ADGRB3: variants seen among roughly 807,000 people sequenced by gnomAD.
The protein encoded by ADGRB3 is adhesion G protein-coupled receptor B3.
A neutral mutation model predicts 193.4 loss-of-function variants in ADGRB3; 37 were observed. That is an observed-to-expected ratio of 0.19 (90% confidence interval 0.15 to 0.25). The LOEUF is 0.25. ADGRB3 is among the 10% of genes least tolerant of loss of function. The pLI, the probability that ADGRB3 is intolerant of heterozygous loss-of-function variation, is 1.00. For synonymous variants in ADGRB3, 690 were observed against 644.2 expected (o/e 1.07, Z -1.08); for missense variants, 1,637 against 1,852.9 (o/e 0.88, Z 2.14).
At chr6:68,915,765 G>T (rs1350145794) in intron 3 of ADGRB3, among the ~76,000 whole-genome samples, 3 of 150,546 alleles carry the variant, frequency 2.0e-5, no homozygotes, top group Non-Finnish European at 4.4e-5. Flanking sequence ...TTGAGTGGGA[G>T]GGGAAAAAAA....
intron 3 of ADGRB3, among the ~76,000 whole-genome samples, chr6:68,788,481 A>G (rs2127365087): frequency 6.6e-6 from 1 of 152,220 alleles, no homozygotes. Context: ...GAGTTTCTTA[A>G]TCCTGAGTTC....
intron 21 of ADGRB3, among the ~76,000 whole-genome samples, chr6:69,326,031 C>T (rs1276811730): frequency 1.3e-5 from 2 of 152,082 alleles, no homozygotes; most frequent in South Asian, 2.1e-4. Flanking sequence ...TACCTGAGCA[C>T]GGGAGTTCGA....
intron 20 of ADGRB3, among the ~76,000 whole-genome samples, chr6:69,293,570 C>T (rs892632859): frequency 6.6e-6 from 1 of 152,174 alleles, no homozygotes; most frequent in Non-Finnish European, 1.5e-5. Flanking sequence ...TGGCCCATAC[C>T]TATTCACTTT....
At chr6:69,053,541 G>A (rs2150304064) in intron 15 of ADGRB3, among the ~76,000 whole-genome samples, 1 of 152,320 alleles carries the variant, frequency 6.6e-6, no homozygotes. Flanking sequence ...CACTGGGGCT[G>A]GCCTGGTGGC....
intron 17 of ADGRB3, among the ~76,000 whole-genome samples, chr6:69,225,930 G>T (rs1858396): frequency 0.14 from 21,853 of 151,968 alleles, 1,624 homozygotes; most frequent in Middle Eastern, 0.16. Flanking sequence ...TATTTTAACC[G>T]TTAATTATTA....
chr6:69,036,103 G>A (rs1204397714), intron 13 of ADGRB3, among the ~76,000 whole-genome samples: 1 of 152,140 alleles, frequency 6.6e-6, no homozygotes, highest in East Asian at 1.9e-4. Flanking sequence ...ACTGTGTGAA[G>A]TATGTCTTTC....
intron 17 of ADGRB3, among the ~76,000 whole-genome samples, chr6:69,101,663 A>C (rs1238516813): frequency 6.6e-6 from 1 of 151,104 alleles, no homozygotes; most frequent in African/African-American, 2.4e-5. Flanking sequence ...ATTTTATGAT[A>C]TGTCCTATAT....
intron 3 of ADGRB3, among the ~76,000 whole-genome samples, chr6:68,825,273 C>T (rs1032353542): frequency 6.6e-6 from 1 of 152,044 alleles, no homozygotes; most frequent in Admixed American, 6.6e-5. Flanking sequence ...TATTTTTGCA[C>T]ATTTTCATCT....
chr6:68,717,745 C>T (rs1324823127), intron 3 of ADGRB3, among the ~76,000 whole-genome samples: 1 of 151,372 alleles, frequency 6.6e-6, no homozygotes, highest in Non-Finnish European at 1.5e-5. Context: ...TTTCTATCTA[C>T]CATGTTATGT....
chr6:68,703,189 G>T (rs1394787102), intron 3 of ADGRB3, among the ~76,000 whole-genome samples: 1 of 152,060 alleles, frequency 6.6e-6, no homozygotes, highest in African/African-American at 2.4e-5. Context: ...TTTTAAAGCG[G>T]CCATAATGTT....
intron 3 of ADGRB3, among the ~76,000 whole-genome samples, chr6:68,919,046 C>CTTA (rs1049868040): frequency 7.9e-5 from 12 of 151,998 alleles, no homozygotes; most frequent in Admixed American, 6.6e-4. Context: ...CCCAAGACTT[C>CTTA]TTAGCCTCAC....
intron 3 of ADGRB3, among the ~76,000 whole-genome samples, chr6:68,869,615 G>T (rs1765401706): frequency 6.6e-6 from 1 of 152,106 alleles, no homozygotes; most frequent in Non-Finnish European, 1.5e-5. Context: ...CTATTCCTAA[G>T]ATAAAATGAG....
At chr6:68,853,442 T>G (rs1268756469) in intron 3 of ADGRB3, among the ~76,000 whole-genome samples, 3 of 152,070 alleles carry the variant, frequency 2.0e-5, no homozygotes, top group African/African-American at 7.2e-5. Context: ...CTGTAGTGAT[T>G]CTTAGCTGTC....
In ADGRB3 at chr6:68,639,185, A is replaced by T. The variant is rs1768022451; in HGVS notation, c.510A>T (p.Val170=). 2 of 1,614,076 alleles carry T rather than the reference A, an allele frequency of 1.2e-6. No individual in the cohort carries two copies. Among genetic ancestry groups the T allele is most frequent in the African/African-American group, 2.7e-5 (2 of 74,924 alleles). ...GCCCAAGCCAGTTTGGTTGCCATGT[A>T]TTATGTACTTGGTTGGAGAGCTGCT... ...KVSPSQFGCH[V]LCTWLESCLK... The change falls in exon 3 of 32, where the codon GTA becomes GTT. Residue 170 remains valine (V), a synonymous_variant. Transcript: ENST00000370598.
At chr6:69,122,047 G>C (rs903800556) in intron 17 of ADGRB3, among the ~76,000 whole-genome samples, 2 of 152,048 alleles carry the variant, frequency 1.3e-5, no homozygotes, top group Non-Finnish European at 2.9e-5. Flanking sequence ...CCACTTCCCA[G>C]ACGGGGTGGT....
intron 17 of ADGRB3, among the ~76,000 whole-genome samples, chr6:69,218,024 T>C (rs1456713749): frequency 6.7e-6 from 1 of 148,244 alleles, no homozygotes; most frequent in Non-Finnish European, 1.5e-5. Context: ...GCATATAACA[T>C]TAACATATTC....
intron 3 of ADGRB3, among the ~76,000 whole-genome samples, chr6:68,745,971 A>G (rs188056593): frequency 6.6e-6 from 1 of 152,080 alleles, no homozygotes; most frequent in Admixed American, 6.5e-5. Flanking sequence ...CTATTATTTT[A>G]TTGATGGGCA....
At chr6:69,221,153 T>C (rs1001542806) in intron 17 of ADGRB3, among the ~76,000 whole-genome samples, 4 of 152,144 alleles carry the variant, frequency 2.6e-5, no homozygotes, top group African/African-American at 9.7e-5. Context: ...AAATTTCCTA[T>C]TCTTTAAATT....
intron 3 of ADGRB3, among the ~76,000 whole-genome samples, chr6:68,901,360 G>A (rs76547654): frequency 0.016 from 2,469 of 152,146 alleles, 34 homozygotes; most frequent in Non-Finnish European, 0.025. Flanking sequence ...GGCTTTTTCC[G>A]GGACAAATAA....
Sources: allele counts gnomAD v4.1 joint callset (sites outside exome capture counted in the v4.1 genomes callset), GRCh38; gene constraint gnomAD v4.1.1; transcripts MANE v1.5; gene names NCBI Gene and HGNC (gene_info 2026-07-23, HGNC 2026-07-21).